HECW2: variants seen among roughly 807,000 people sequenced by gnomAD.
The protein encoded by HECW2 is HECT, C2 and WW domain containing E3 ubiquitin protein ligase 2, also known as E3 ubiquitin-protein ligase HECW2.
HECW2 carries 61 observed loss-of-function variants against 175.2 expected under a neutral mutation model. The observed-to-expected ratio is 0.35, with a 90% CI of 0.28 to 0.43. The LOEUF (loss-of-function observed/expected upper bound fraction) is 0.43. HECW2 is among the 20% of genes least tolerant of loss of function. The pLI, the probability that HECW2 is intolerant of heterozygous loss-of-function variation, is 1.00. For synonymous variants in HECW2, 671 were observed against 731.0 expected (o/e 0.92, Z 1.32); for missense variants, 1,524 against 2,000.5 (o/e 0.76, Z 4.54).
At chr2:196,367,499 A>G (rs1384223192) in intron 2 of HECW2, among the ~76,000 whole-genome samples, 1 of 152,192 alleles carries the variant, frequency 6.6e-6, no homozygotes, top group Non-Finnish European at 1.5e-5. Flanking sequence ...AAATAATTCA[A>G]TTATACTCTT....
chr2:196,247,139 T>A (rs1688676331), intron 19 of HECW2, among the ~76,000 whole-genome samples: 1 of 152,006 alleles, frequency 6.6e-6, no homozygotes, highest in East Asian at 1.9e-4. Flanking sequence ...TAGTCCCAGC[T>A]ACTTGGGGGG....
At chr2:196,222,702 T>C (rs1234311370) in intron 23 of HECW2, among the ~76,000 whole-genome samples, 2 of 152,216 alleles carry the variant, frequency 1.3e-5, no homozygotes, top group Non-Finnish European at 2.9e-5. Context: ...CCATTATTCT[T>C]TCTGGCCATA....
intron 1 of HECW2, among the ~76,000 whole-genome samples, chr2:196,473,622 G>C (rs1697303186): frequency 1.3e-5 from 2 of 152,198 alleles, no homozygotes; most frequent in South Asian, 4.1e-4. Context: ...TAAAACTACA[G>C]TCTGAAAATA....
chr2:196,407,125 C>T (rs949772251), intron 2 of HECW2, among the ~76,000 whole-genome samples: 6 of 151,604 alleles, frequency 4.0e-5, no homozygotes, highest in African/African-American at 1.2e-4. Flanking sequence ...TCAAAGAATA[C>T]GAGCTTTCTG....
chr2:196,319,415 C>A lies in HECW2; in HGVS notation c.1475G>T (p.Ser492Ile), dbSNP rs754012817. ...LEEEGGLIMFSRASRADDGSL... is the reference protein window; with the variant it reads ...LEEEGGLIMFIRASRADDGSL... ...TCCATCATCAGCTCTGGATGCCCTGCTAAACATGATCAGGCCTCCCTCCTC... is the reference window on the plus strand; with the variant it reads ...TCCATCATCAGCTCTGGATGCCCTGATAAACATGATCAGGCCTCCCTCCTC... Residue 492 changes from serine to isoleucine, a missense_variant, in exon 9 of 29, where the codon AGC becomes ATC. By Grantham distance (142) the Ser-to-Ile change is moderately radical. Around this residue, in one of 11 missense-constraint regions of HECW2, gnomAD observed 604 missense variants for 588.3 expected, o/e 1.03. Coordinates refer to ENST00000644978, the MANE Select transcript of HECW2 (RefSeq NM_001348768.2). The A allele has an allele frequency of 6.2e-7, 1 of 1,613,826 alleles. No individual in the cohort carries two copies. The highest frequency in any genetic ancestry group is 8.5e-7 in the Non-Finnish European group (1 of 1,179,904).
chr2:196,278,658 A>C lies in HECW2; in HGVS notation c.3005T>G (p.Phe1002Cys). The change falls in exon 15 of 29, where the codon TTC becomes TGC. Residue 1002 changes from phenylalanine to cysteine, a missense_variant. By Grantham distance (205) the Phe-to-Cys change is radical (BLOSUM62 -2). Coordinates refer to ENST00000644978, the MANE Select transcript of HECW2 (RefSeq NM_001348768.2). The part of the protein sequence containing the change: ...EMKHDHQGKA[F>C]FVDHNSRTTT... The stretch of plus-strand genomic sequence containing the variant: ...GGTGCGGGAGTTGTGGTCCACAAAG[A>C]ATGCCTAGGATACAATACACTGAGT... 1 of 1,614,026 alleles carries C rather than the reference A, an allele frequency of 6.2e-7. No individual in the cohort carries two copies. The highest frequency in any genetic ancestry group is 8.5e-7 in the Non-Finnish European group (1 of 1,179,942).
intron 2 of HECW2, among the ~76,000 whole-genome samples, chr2:196,361,203 T>C (rs1259774579): frequency 1.3e-5 from 2 of 152,178 alleles, no homozygotes; most frequent in Non-Finnish European, 2.9e-5. Context: ...TAGAGGTCTA[T>C]AGAAAACTGA....
At chr2:196,442,445 T>C (rs937461292) in intron 1 of HECW2, among the ~76,000 whole-genome samples, 4 of 152,184 alleles carry the variant, frequency 2.6e-5, no homozygotes, top group Non-Finnish European at 5.9e-5. Context: ...CAGTGATTCA[T>C]TTCCAGGGCT....
At chr2:196,228,075 GAA>G (rs1468331690) in intron 22 of HECW2, 25 bp downstream of exon 22, 17 of 1,498,650 alleles carry the variant, frequency 1.1e-5, no homozygotes, top group Non-Finnish European at 1.5e-5. Flanking sequence ...ATCGCCTGAA[GAA>G]AAGTGTTGGG....
chr2:196,212,838 T>G (rs1339595484), intron 28 of HECW2, among the ~76,000 whole-genome samples: 2 of 152,220 alleles, frequency 1.3e-5, no homozygotes, highest in African/African-American at 4.8e-5. Flanking sequence ...CCCTTTTCTC[T>G]GCAACCTTAC....
intron 16 of HECW2, among the ~76,000 whole-genome samples, chr2:196,273,117 G>A (rs1402593221): frequency 7.2e-6 from 1 of 138,718 alleles, no homozygotes; most frequent in Non-Finnish European, 1.5e-5. Context: ...CCCTAGGCTG[G>A]AGTGCAGTGG....
At chr2:196,443,717 T>C (rs2125294406) in intron 1 of HECW2, among the ~76,000 whole-genome samples, 1 of 152,362 alleles carries the variant, frequency 6.6e-6, no homozygotes, top group Non-Finnish European at 1.5e-5. Flanking sequence ...TCAACCACTT[T>C]TGGTGGTTTG....
rs1008627667 is a variant in HECW2, at chr2:196,550,327, C to T, written c.-36+43181G>A. 4.6e-5 allele frequency among the ~76,000 whole-genome samples: 7 copies of T among 151,998 alleles called. No individual in the cohort carries two copies. The South Asian group carries it at 1.0e-3, about 23-fold the overall frequency. On this transcript the variant is annotated intron_variant, in intron 1 of 28. Coordinates refer to ENST00000644978, the MANE Select transcript of HECW2 (RefSeq NM_001348768.2). Reference sequence around the variant, plus strand: ...TCTGATTGTAATTTAAATACAAGTTCGAACAGTGATGTGACTCCTCTACGA... The same window carrying T: ...TCTGATTGTAATTTAAATACAAGTTTGAACAGTGATGTGACTCCTCTACGA...
intron 1 of HECW2, among the ~76,000 whole-genome samples, chr2:196,444,839 G>C (rs1280445247): frequency 6.6e-6 from 1 of 152,212 alleles, no homozygotes; most frequent in Non-Finnish European, 1.5e-5. Context: ...TGGTGGCTCT[G>C]GGGGTCAGGG....
At chr2:196,320,472 C>T in intron 7 of HECW2, 33 bp from the exon 8 acceptor site, 2 of 1,443,956 alleles carry the variant, frequency 1.4e-6, no homozygotes, top group Non-Finnish European at 1.9e-6. Context: ...TTCATCCTGA[C>T]TACGCTGGAG....
intron 2 of HECW2, among the ~76,000 whole-genome samples, chr2:196,367,385 C>A (rs924347603): frequency 2.0e-5 from 3 of 152,070 alleles, no homozygotes; most frequent in Non-Finnish European, 4.4e-5. Flanking sequence ...CCTATATTTA[C>A]AGGGTACATG....
chr2:196,232,827 C>A (rs1177536105), intron 21 of HECW2, among the ~76,000 whole-genome samples: 1 of 152,136 alleles, frequency 6.6e-6, no homozygotes, highest in East Asian at 1.9e-4. Flanking sequence ...TTTTCCCAAG[C>A]AAAAACAGAG....
At chr2:196,416,808 T>A (rs919818309) in intron 2 of HECW2, among the ~76,000 whole-genome samples, 1 of 152,214 alleles carries the variant, frequency 6.6e-6, no homozygotes, top group South Asian at 2.1e-4. Context: ...AAACAGCCCA[T>A]AAACACAAGC....
At chr2:196,385,718 T>A (rs1694326351) in intron 2 of HECW2, among the ~76,000 whole-genome samples, 1 of 152,328 alleles carries the variant, frequency 6.6e-6, no homozygotes, top group Non-Finnish European at 1.5e-5. Flanking sequence ...GAAATTTTGG[T>A]ATAAGCTGCT....
Sources: allele counts gnomAD v4.1 joint callset (sites outside exome capture counted in the v4.1 genomes callset), GRCh38; gene constraint gnomAD v4.1.1; regional missense constraint gnomAD v4.1.1; transcripts MANE v1.5; gene names NCBI Gene and HGNC (gene_info 2026-07-23, HGNC 2026-07-21).